Variants in UMAD1 observed in about 807,000 individuals in gnomAD.
The protein encoded by UMAD1 is UBAP1-MVB12-associated (UMA) domain containing 1, also known as UBAP1-MVB12-associated (UMA)-domain containing protein 1.
UMAD1 carries 8 observed loss-of-function variants against 6.1 expected under a neutral mutation model. The observed-to-expected ratio is 1.30, with a 90% CI of 0.76 to 2.35. The LOEUF is 2.35. Among genes scored for constraint, UMAD1 ranks in the 30% most tolerant of loss-of-function variants. The pLI, the probability that UMAD1 is intolerant of heterozygous loss-of-function variation, is 0.00. For synonymous variants in UMAD1, 56 were observed against 31.4 expected (o/e 1.78, Z -2.61); for missense variants, 130 against 78.4 (o/e 1.66, Z -2.49).
At chr7:7,840,582 G>A (rs1783660785) in intron 3 of UMAD1, among the ~76,000 whole-genome samples, 1 of 152,078 alleles carries the variant, frequency 6.6e-6, no homozygotes, top group Non-Finnish European at 1.5e-5. Flanking sequence ...GATTGATTCA[G>A]AGGATCCCCG....
intron 3 of UMAD1, among the ~76,000 whole-genome samples, chr7:7,872,338 T>G (rs965521295): frequency 5.3e-5 from 8 of 152,192 alleles, no homozygotes; most frequent in Non-Finnish European, 1.2e-4. Flanking sequence ...ATGTCTTAAT[T>G]AAAAGTATAC....
intron 3 of UMAD1, among the ~76,000 whole-genome samples, chr7:7,816,385 T>C (rs535049899): frequency 6.6e-6 from 1 of 152,334 alleles, no homozygotes; most frequent in East Asian, 1.9e-4. Context: ...TTGACTTCAA[T>C]GATTTGTGTG....
intron 2 of UMAD1, among the ~76,000 whole-genome samples, chr7:7,762,956 G>A (rs1781920071): frequency 2.0e-5 from 3 of 152,076 alleles, no homozygotes; most frequent in Admixed American, 6.5e-5. Context: ...ACTCTTAAAC[G>A]AAAATAGAGA....
chr7:7,737,407 C>G (rs1388795846), intron 2 of UMAD1, among the ~76,000 whole-genome samples: 2 of 152,202 alleles, frequency 1.3e-5, no homozygotes, highest in Non-Finnish European at 2.9e-5. Flanking sequence ...CAGCAGAAAC[C>G]TCAGGTTTCT....
chr7:7,848,800 T>G (rs1783858619), intron 3 of UMAD1, among the ~76,000 whole-genome samples: 1 of 152,148 alleles, frequency 6.6e-6, no homozygotes, highest in Non-Finnish European at 1.5e-5. Flanking sequence ...TCAGTATTTT[T>G]GAAGGAAAGA....
At chr7:7,795,559 C>A (rs62434084) in intron 2 of UMAD1, among the ~76,000 whole-genome samples, 1 of 152,164 alleles carries the variant, frequency 6.6e-6, no homozygotes, top group African/African-American at 2.4e-5. Flanking sequence ...GGCTGCCCCA[C>A]AGGCAGAGCA....
chr7:7,813,331 A>G (rs932278282), intron 3 of UMAD1, among the ~76,000 whole-genome samples: 8 of 152,048 alleles, frequency 5.3e-5, no homozygotes, highest in Non-Finnish European at 8.8e-5. Context: ...CAACCTCCCA[A>G]GTAGCTGGGA....
chr7:7,804,983 G>GAAAAC lies in UMAD1; in HGVS notation c.156+3270_156+3274dup, dbSNP rs59013853. Among the ~76,000 whole-genome samples the GAAAAC allele has an allele frequency of 4.9e-3, 746 of 151,590 alleles. 5 individuals are homozygous for GAAAAC. Among genetic ancestry groups the GAAAAC allele is most frequent in the African/African-American group, 0.014 (573 of 41,352 alleles). On this transcript the variant is annotated intron_variant, in intron 3 of 3. Coordinates refer to ENST00000682710, the MANE Select transcript of UMAD1 (RefSeq NM_001302348.2). ...GCGACAGAGCGGAACTCCTTCTCAA[G>GAAAAC]AAAACAAAACAAAACAAAACAAAAC...
intron 3 of UMAD1, among the ~76,000 whole-genome samples, chr7:7,829,254 A>G (rs1783413369): frequency 6.6e-6 from 1 of 152,002 alleles, no homozygotes; most frequent in Non-Finnish European, 1.5e-5. Context: ...TTACTGAATG[A>G]GCAGCAGCAA....
intron 3 of UMAD1, among the ~76,000 whole-genome samples, chr7:7,815,470 T>A (rs1783107947): frequency 1.3e-5 from 2 of 152,178 alleles, no homozygotes; most frequent in South Asian, 4.1e-4. Flanking sequence ...GGCAGGGGTT[T>A]AATTTGGGGC....
chr7:7,775,922 A>G (rs1782196536), intron 2 of UMAD1, among the ~76,000 whole-genome samples: 1 of 152,224 alleles, frequency 6.6e-6, no homozygotes, highest in Non-Finnish European at 1.5e-5. Flanking sequence ...TAATGTTGGA[A>G]AAATGGATTA....
In UMAD1 at chr7:7,655,780, A is replaced by G. The variant is rs570588925; in HGVS notation, c.-64+14959A>G. Among the ~76,000 whole-genome samples the G allele has an allele frequency of 3.3e-5, 5 of 152,004 alleles. No individual in the cohort carries two copies. The South Asian group carries it at 1.0e-3, about 32-fold the overall frequency. ...TTTTATGTATTTTAATTTAAAAAAT[A>G]TTTTTGTAGGTATATAGTAAGTGTA... On this transcript the variant is annotated intron_variant, in intron 1 of 3. Transcript: ENST00000682710.
intron 3 of UMAD1, among the ~76,000 whole-genome samples, chr7:7,872,544 G>A (rs1372295143): frequency 1.3e-5 from 2 of 152,120 alleles, no homozygotes; most frequent in African/African-American, 2.4e-5. Flanking sequence ...ATAGAATAAC[G>A]AAAAAATTTG....
rs574453788 is a variant in UMAD1 at position 7,751,749 on chromosome 7, A to T, written c.83-49921A>T. On this transcript the variant is annotated intron_variant, in intron 2 of 3. Coordinates refer to ENST00000682710, the MANE Select transcript of UMAD1 (RefSeq NM_001302348.2). ...TGGGATTTAGGTTTCAGGACCTCTG[A>T]CTTGCACAGACCTCCTCCAAGGCTC... 6.6e-5 allele frequency among the ~76,000 whole-genome samples: 10 copies of T among 152,304 alleles called. No homozygotes were observed. The South Asian group carries it at 1.9e-3, about 28-fold the overall frequency.
Position 7,801,357 on chromosome 7 carries a change from A to G in UMAD1, c.83-313A>G, listed in dbSNP as rs549320937. 3.9e-5 allele frequency among the ~76,000 whole-genome samples: 6 copies of G among 152,364 alleles called. 1 individual carries two copies. The highest frequency in any genetic ancestry group is 1.4e-4 in the African/African-American group (6 of 41,576). On this transcript the variant is annotated intron_variant, in intron 2 of 3. Coordinates refer to ENST00000682710, the MANE Select transcript of UMAD1 (RefSeq NM_001302348.2). Reference sequence around the variant, plus strand: ...ATTTCAACATAATTTGCCTTAAGTCATAAGCTTTCCAAGTTTGTTTGAAAT... The same window carrying G: ...ATTTCAACATAATTTGCCTTAAGTCGTAAGCTTTCCAAGTTTGTTTGAAAT...
chr7:7,773,743 A>G (rs557216700), intron 2 of UMAD1, among the ~76,000 whole-genome samples: 24 of 152,266 alleles, frequency 1.6e-4, no homozygotes, highest in African/African-American at 5.8e-4. Flanking sequence ...AAACATTTTT[A>G]TATGTTGATT....
At chr7:7,829,525 A>G (rs961529071) in intron 3 of UMAD1, among the ~76,000 whole-genome samples, 6 of 136,618 alleles carry the variant, frequency 4.4e-5, no homozygotes, top group African/African-American at 1.7e-4. Flanking sequence ...ATATAAATGG[A>G]CAAAAAAAGG....
At chr7:7,773,263 A>C (rs1391221773) in intron 2 of UMAD1, among the ~76,000 whole-genome samples, 1 of 152,238 alleles carries the variant, frequency 6.6e-6, no homozygotes, top group African/African-American at 2.4e-5. Flanking sequence ...CACAAGTTGC[A>C]ACATTAGGGG....
At chr7:7,790,292 A>G (rs1563208309) in intron 2 of UMAD1, among the ~76,000 whole-genome samples, 1 of 152,200 alleles carries the variant, frequency 6.6e-6, no homozygotes, top group Non-Finnish European at 1.5e-5. Context: ...ACTGGTAACT[A>G]GACATCCCAG....
Sources: allele counts gnomAD v4.1 joint callset (sites outside exome capture counted in the v4.1 genomes callset), GRCh38; gene constraint gnomAD v4.1.1; transcripts MANE v1.5; gene names NCBI Gene and HGNC (gene_info 2026-07-23, HGNC 2026-07-21).